DNAI2: variants seen among roughly 807,000 people sequenced by gnomAD.
The protein encoded by DNAI2 is dynein axonemal intermediate chain 2.
DNAI2 carries 63 observed loss-of-function variants against 74.7 expected under a neutral mutation model. The observed-to-expected ratio is 0.84, with a 90% CI of 0.69 to 1.04. The LOEUF (loss-of-function observed/expected upper bound fraction) is 1.04, where lower values mean the gene tolerates loss of function less well. DNAI2 is among the 50% of genes least tolerant of loss of function. The pLI is 0.00. For synonymous variants in DNAI2, 289 were observed against 314.9 expected, an observed-to-expected ratio of 0.92 and a Z score of 0.87; for missense variants, 688 against 803.2, an observed-to-expected ratio of 0.86 and a Z score of 1.73.
chr17:74,289,218 G>GTCCTCGTATATGGACCACCA (rs2051930016), intron 4 of DNAI2, among the ~76,000 whole-genome samples: 5 of 152,206 alleles, frequency 3.3e-5, no homozygotes, highest in African/African-American at 2.4e-5. Context: ...CACCAGAGCA[G>GTCCTCGTATATGGACCACCA]GATGATGCAT....
At chr17:74,309,973 T>C in intron 10 of DNAI2, 44 bp from the exon 11 acceptor site, 1 of 1,511,646 alleles carries the variant, frequency 6.6e-7, no homozygotes, top group Non-Finnish European at 8.9e-7. Flanking sequence ...CACATAACTT[T>C]GCTCCTCTCT....
At chr17:74,299,950 T>C in intron 7 of DNAI2, 93 bp downstream of exon 7, 1 of 1,547,414 alleles carries the variant, frequency 6.5e-7, no homozygotes, top group Admixed American at 1.8e-5. Context: ...ACATTTCCTT[T>C]AACACATTTT....
chr17:74,309,806 C>T (rs531674819), intron 10 of DNAI2: 9 of 680,412 alleles, frequency 1.3e-5, no homozygotes, highest in African/African-American at 1.1e-4. Context: ...GACTGTGAGG[C>T]GGAACTGAAG....
At chr17:74,292,852 C>T (rs144859959) in intron 6 of DNAI2, among the ~76,000 whole-genome samples, 166 of 145,826 alleles carry the variant, frequency 1.1e-3, no homozygotes, top group African/African-American at 3.6e-3. Flanking sequence ...TTTTTTGGGA[C>T]GGAGTCTTGC....
chr17:74,303,703 G>A (rs1372349304), intron 8 of DNAI2, among the ~76,000 whole-genome samples: 3 of 151,214 alleles, frequency 2.0e-5, no homozygotes, highest in South Asian at 2.1e-4. Flanking sequence ...AGTGATTCTC[G>A]TGCCTCAACC....
intron 5 of DNAI2, 146 bp from the exon 6 acceptor site, chr17:74,290,874 T>C (rs1264469427): frequency 1.9e-5 from 15 of 783,396 alleles, no homozygotes; most frequent in Admixed American, 6.9e-5. Flanking sequence ...GACCAGGGGG[T>C]GCAGGCTGGG....
chr17:74,295,022 C>A (rs2052348765), intron 6 of DNAI2, among the ~76,000 whole-genome samples: 1 of 152,068 alleles, frequency 6.6e-6, no homozygotes, highest in Non-Finnish European at 1.5e-5. Flanking sequence ...CTCAAATATG[C>A]CATCCTGTAG....
At chr17:74,275,561 C>G (rs1288559365) in intron 1 of DNAI2, among the ~76,000 whole-genome samples, 1 of 152,104 alleles carries the variant, frequency 6.6e-6, no homozygotes, top group Non-Finnish European at 1.5e-5. Context: ...CCCATCTTTA[C>G]TAAAAATACA....
chr17:74,288,151 C>T lies in DNAI2; in HGVS notation c.467+1053C>T, dbSNP rs536106412. 4.6e-5 allele frequency among the ~76,000 whole-genome samples: 7 copies of T among 152,252 alleles called. No individual in the cohort carries two copies. In the East Asian group the frequency reaches 1.2e-3, roughly 25 times the overall value. The stretch of plus-strand genomic sequence containing the variant: ...AAAGCAATGCAAATCCAGGAGAAAC[C>T]GTACTTCAAGTACCCATACAACCAT... On this transcript the variant is annotated intron_variant, in intron 4 of 13. Transcript: ENST00000311014.
At chr17:74,309,955 A>G (rs1403719182) in intron 10 of DNAI2, 62 bp from the exon 11 acceptor site, 1 of 1,588,158 alleles carries the variant, frequency 6.3e-7, no homozygotes, top group African/African-American at 1.4e-5. Context: ...GGGCCAGTTA[A>G]TCAGACACAC....
chr17:74,277,384 CAAAAAAAAAA>C (rs34911667), intron 1 of DNAI2, among the ~76,000 whole-genome samples: 2 of 123,844 alleles, frequency 1.6e-5, no homozygotes, highest in Admixed American at 8.3e-5. Flanking sequence ...GAATCCATCT[CAAAAAAAAAA>C]AAAAAAAGAA....
At chr17:74,295,117 G>A (rs974182380) in intron 6 of DNAI2, among the ~76,000 whole-genome samples, 1 of 151,738 alleles carries the variant, frequency 6.6e-6, no homozygotes, top group Non-Finnish European at 1.5e-5. Flanking sequence ...TGTCTCATTT[G>A]GATGTGGTGG....
At chr17:74,274,559 G>A (rs747311219) in intron 1 of DNAI2, among the ~76,000 whole-genome samples, 1 of 152,068 alleles carries the variant, frequency 6.6e-6, no homozygotes, top group African/African-American at 2.4e-5. Flanking sequence ...GCCCCAAGTC[G>A]CAGGACCCTG....
intron 6 of DNAI2, 64 bp downstream of exon 6, chr17:74,291,197 G>A: frequency 1.4e-6 from 2 of 1,392,184 alleles, no homozygotes; most frequent in South Asian, 1.2e-5. Context: ...TTTTGCTCTT[G>A]TTTCCCAGGC....
intron 4 of DNAI2, among the ~76,000 whole-genome samples, chr17:74,288,625 A>T (rs1032084684): frequency 1.3e-5 from 2 of 152,166 alleles, no homozygotes; most frequent in African/African-American, 4.8e-5. Context: ...ACCCCATCCC[A>T]GAGCACCTTT....
intron 6 of DNAI2, among the ~76,000 whole-genome samples, chr17:74,291,864 T>C (rs2052124328): frequency 7.3e-6 from 1 of 136,768 alleles, no homozygotes; most frequent in African/African-American, 3.0e-5. Context: ...AGAATTGATA[T>C]TAATTTTTTT....
rs549432065 is a variant in DNAI2 at position 74,307,114 on chromosome 17, A to G, written c.1211+1672A>G. Reference sequence around the variant, plus strand: ...GGTGGGAACGCTGGCTGACAAGGGCAGTGCATTGTTCCAGGCCTCATAGCA... The same window carrying G: ...GGTGGGAACGCTGGCTGACAAGGGCGGTGCATTGTTCCAGGCCTCATAGCA... On this transcript the variant is annotated intron_variant, in intron 9 of 13. Transcript: ENST00000311014. 17 of 383,788 alleles carry G rather than the reference A, an allele frequency of 4.4e-5. 1 individual carries two copies. Among genetic ancestry groups the G allele is most frequent in the South Asian group, 3.2e-4 (17 of 53,092 alleles). The allele number at this position is 383,788 out of a possible 1,614,324, so 23.8% of individuals were successfully genotyped here. A position where few individuals can be genotyped will look rare whatever the true frequency, so the allele number is the denominator to read the frequency against.
At chr17:74,303,953 C>T (rs575674131) in intron 8 of DNAI2, among the ~76,000 whole-genome samples, 1 of 151,824 alleles carries the variant, frequency 6.6e-6, no homozygotes, top group African/African-American at 2.4e-5. Context: ...TAGGGAGACT[C>T]CATCTCTACA....
intron 1 of DNAI2, 115 bp from the exon 2 acceptor site, chr17:74,281,692 C>T: frequency 5.0e-6 from 5 of 992,190 alleles, no homozygotes; most frequent in Non-Finnish European, 7.7e-6. Context: ...TCCCCACCAC[C>T]CCTTGCTTCC....
Sources: allele counts gnomAD v4.1 joint callset (sites outside exome capture counted in the v4.1 genomes callset), GRCh38; gene constraint gnomAD v4.1.1; transcripts MANE v1.5; gene names NCBI Gene and HGNC (gene_info 2026-07-23, HGNC 2026-07-21).